Variants in VILL observed in about 807,000 individuals in gnomAD.
The protein encoded by VILL is villin like.
VILL carries 102 observed loss-of-function variants against 106.3 expected under a neutral mutation model. That is an observed-to-expected ratio of 0.96 (90% CI 0.82 to 1.13). The LOEUF (loss-of-function observed/expected upper bound fraction) is 1.13, where lower values mean the gene tolerates loss of function less well. Among genes scored for constraint, VILL ranks in the 50% most tolerant of loss-of-function variants. The pLI is 0.00. For missense variants in VILL, 1,076 were observed against 1,116.6 expected, an observed-to-expected ratio of 0.96 and a Z score of 0.52; for synonymous variants, 431 against 440.3, an observed-to-expected ratio of 0.98 and a Z score of 0.27.
At position 37,997,657 on chromosome 3, in the gene VILL, C is replaced by T. The variant is rs746223560; in HGVS notation, c.736C>T (p.Leu246=). The change falls in exon 7 of 20, where the codon CTG becomes TTG. Residue 246 remains leucine (L), a synonymous_variant. Coordinates refer to ENST00000383759, the MANE Select transcript of VILL (RefSeq NM_015873.4). The surrounding 1 kb of genome is among the most constrained non-coding windows in gnomAD (Gnocchi z 4.7). ...AATPSKDINQ[L]QKANVRLYHV... Reference sequence around the variant, plus strand: ...CACGCCCAGCAAGGATATCAACCAGCTGCAGAAGGCCAATGTTCGCCTGTA... The same window carrying T: ...CACGCCCAGCAAGGATATCAACCAGTTGCAGAAGGCCAATGTTCGCCTGTA... The T allele has an allele frequency of 6.6e-7, 1 of 1,507,278 alleles. No homozygotes were observed. The allele number at this position is 1,507,278 out of a possible 1,614,324, so 93.4% of individuals were successfully genotyped here.
chr3:37,990,243 G>C (rs1022922179), upstream of VILL, among the ~76,000 whole-genome samples: 1 of 152,202 alleles, frequency 6.6e-6, no homozygotes, highest in African/African-American at 2.4e-5. The surrounding 1 kb of genome is among the most constrained non-coding windows in gnomAD (Gnocchi z 5.1). Context: ...TGGGTATCAG[G>C]GTTCCCTGAG....
intron 17 of VILL, 66 bp downstream of exon 17, chr3:38,006,040 A>G: frequency 6.3e-7 from 1 of 1,590,652 alleles, no homozygotes. Flanking sequence ...ACCTGGGCCA[A>G]TGGAATGAGG....
chr3:37,999,046 G>A lies in VILL; in HGVS notation c.1077G>A (p.Gly359=), dbSNP rs199499422. ...GGCGCAGGAACCAGAAGCTCGGCGG[G>A]AGGGGTGAGCGGGCGGGGCGGGGCT... ...EKRRRNQKLG[G]RDKSIHVKLD... is the part of the protein sequence containing the mutation. Residue 359 remains glycine (G), a synonymous_variant, in exon 10 of 20, where the codon GGG becomes GGA. Coordinates refer to ENST00000383759, the MANE Select transcript of VILL (RefSeq NM_015873.4). The A allele has an allele frequency of 0.018, 27,635 of 1,567,266 alleles. 305 individuals carry two copies. The highest frequency in any genetic ancestry group is 0.021 in the Non-Finnish European group (23,889 of 1,153,236).
At position 38,002,506 on chromosome 3, in the gene VILL, C is replaced by T. The variant is rs1699836971; in HGVS notation, c.1590C>T (p.Ala530=). ...GGACCATGGAGGTGCCAGCCCGTGC[C>T]TCATCCCTCAACTCCAGTGACATCT... ...NTRTMEVPAR[A]SSLNSSDIFL... is the part of the protein sequence containing the mutation. Residue 530 remains alanine, a synonymous_variant, in exon 14 of 20, where the codon GCC becomes GCT. Coordinates refer to ENST00000383759, the MANE Select transcript of VILL (RefSeq NM_015873.4). 6.2e-7 allele frequency: 1 copy of T among 1,614,112 alleles called. No individual in the cohort carries two copies. The highest frequency in any genetic ancestry group is 8.5e-7 in the Non-Finnish European group (1 of 1,180,034).
rs952700615 is a variant in VILL, at chr3:38,006,800, G to A, written c.2457+100G>A. The A allele has an allele frequency of 4.1e-5, 63 of 1,532,868 alleles. 1 individual carries two copies. The East Asian group carries it at 9.3e-4, about 23-fold the overall frequency. The allele number at this position is 1,532,868 out of a possible 1,614,324, so 95.0% of individuals were successfully genotyped here. On this transcript the variant is annotated intron_variant, in intron 19 of 19. Transcript: ENST00000383759. ...GTGGCGGGCAGTGGGCAACTGCCCC[G>A]GGAGATGTGTCTTCTAGCTGGGGTG...
Position 37,999,063 on chromosome 3 carries a change from G to A in VILL, c.1081+13G>A, listed in dbSNP as rs768996246. 2 of 1,464,128 alleles carry A rather than the reference G, an allele frequency of 1.4e-6. No homozygotes were observed. Among genetic ancestry groups the A allele is most frequent in the Non-Finnish European group, 1.8e-6 (2 of 1,095,758 alleles). 90.7% of individuals were successfully genotyped at this position (1,464,128 alleles called of 1,614,324 possible). On this transcript the variant is annotated intron_variant, in intron 10 of 19. Transcript: ENST00000383759. ...CTCGGCGGGAGGGGTGAGCGGGCGG[G>A]GCGGGGCTGACGGGGGCGGGGCGGG... is the stretch of plus-strand genomic sequence containing the variant.
In VILL at chr3:38,001,482, G is replaced by C; in HGVS notation, c.1209G>C (p.Arg403Ser). ...VEVWCIQDLH[R>S]QPVDPKRHGQ... ...TGTGGTGCATCCAGGACTTACACAG[G>C]CAGCCCGTGGACCCCAAGCGTCATG... Residue 403 changes from arginine to serine, a missense_variant, in exon 12 of 20, where the codon AGG becomes AGC. By Grantham distance (110) the Arg-to-Ser change is moderately radical (BLOSUM62 -1). Transcript: ENST00000383759. The C allele has an allele frequency of 2.5e-6, 4 of 1,614,208 alleles. No homozygotes were observed. The highest frequency in any genetic ancestry group is 3.4e-6 in the Non-Finnish European group (4 of 1,180,018).
In VILL at chr3:38,006,844, G is replaced by T. The variant is rs928547257; in HGVS notation, c.2458-98G>T. 4.0e-6 allele frequency: 6 copies of T among 1,511,970 alleles called. No homozygotes were observed. The Admixed American group carries it at 1.1e-4, about 28-fold the overall frequency. 93.7% of individuals were successfully genotyped at this position (1,511,970 alleles called of 1,614,324 possible). On this transcript the variant is annotated intron_variant, in intron 19 of 19. Coordinates refer to ENST00000383759, the MANE Select transcript of VILL (RefSeq NM_015873.4). ...TGGGGTGGTGGGCAAACAGATGCGG[G>T]AGTCCCAAGCCCTGGATGACTGACA...
intron 16 of VILL, among the ~76,000 whole-genome samples, chr3:38,004,720 T>C (rs980422650): frequency 1.3e-5 from 2 of 152,194 alleles, no homozygotes; most frequent in Admixed American, 6.5e-5. Context: ...GCCGAGCATG[T>C]GTCGGTGCTG....
At chr3:38,006,364 G>C (rs1008501174) in intron 18 of VILL, 85 bp from the exon 19 acceptor site, 55 of 1,598,026 alleles carry the variant, frequency 3.4e-5, no homozygotes, top group Middle Eastern at 3.3e-4. Context: ...TGCAGTTGGA[G>C]GTAAGAGGCC....
chr3:37,999,954 G>A (rs1428875654), intron 11 of VILL, among the ~76,000 whole-genome samples: 1 of 152,246 alleles, frequency 6.6e-6, no homozygotes, highest in Non-Finnish European at 1.5e-5. Context: ...CCACTCATCT[G>A]GTCTCAGCCC....
upstream of VILL, among the ~76,000 whole-genome samples, chr3:37,989,152 G>C (rs1034731033): frequency 2.6e-5 from 4 of 152,172 alleles, no homozygotes; most frequent in African/African-American, 9.7e-5. Flanking sequence ...GCGGGAGAGA[G>C]AAATCAGGGC....
chr3:38,001,134 G>C, intron 11 of VILL: 1 of 527,414 alleles, frequency 1.9e-6, no homozygotes, highest in South Asian at 1.8e-5. Context: ...CCTGAGCAGC[G>C]AGCAGCTGGG....
At position 38,007,113 on chromosome 3, in the gene VILL, G is replaced by GCCTCCCCAGCATT; in HGVS notation, c.*58_*59insCCTCCCCAGCATT. 7.0e-7 allele frequency: 1 copy of GCCTCCCCAGCATT among 1,435,920 alleles called. No homozygotes were observed. Among genetic ancestry groups the GCCTCCCCAGCATT allele is most frequent in the Non-Finnish European group, 9.7e-7 (1 of 1,026,404 alleles). 88.9% of individuals were successfully genotyped at this position (1,435,920 alleles called of 1,614,324 possible). ...GACCCCAACATACCTACAATGCTGG[G>GCCTCCCCAGCATT]GAGGCCCTGCTTCCACTCCCCTCAG... On this transcript the variant is annotated 3_prime_UTR_variant, in exon 20 of 20. Transcript: ENST00000383759.
intron 1 of VILL, among the ~76,000 whole-genome samples, chr3:37,991,541 C>G (rs1029551586): frequency 9.9e-5 from 15 of 151,008 alleles, no homozygotes; most frequent in African/African-American, 2.9e-4. Context: ...GGCAGGGGCA[C>G]CCAGTGGGGA....
rs765989524 is a variant in VILL, at chr3:38,004,364, A to G, written c.1915A>G (p.Lys639Glu). 4 of 1,613,114 alleles carry G rather than the reference A, an allele frequency of 2.5e-6. No individual in the cohort carries two copies. Among genetic ancestry groups the G allele is most frequent in the Non-Finnish European group, 3.4e-6 (4 of 1,179,102 alleles). ...VGFFSQEDLD[K>E]YDIMLLDTWQ... ...GTTCTTCAGCCAGGAGGACCTGGACAAGTATGACATCATGTTACTGGACAC... is the reference window on the plus strand; with the variant it reads ...GTTCTTCAGCCAGGAGGACCTGGACGAGTATGACATCATGTTACTGGACAC... Residue 639 changes from lysine to glutamate, a missense_variant, in exon 16 of 20, where the codon AAG (lysine) becomes GAG (glutamate). Lys to Glu is a moderately conservative substitution (Grantham distance 56). Transcript: ENST00000383759.
chr3:38,004,195 G>A, intron 15 of VILL, 60 bp from the exon 16 acceptor site: 1 of 1,559,284 alleles, frequency 6.4e-7, no homozygotes, highest in African/African-American at 1.4e-5. Flanking sequence ...TGGGGCACTT[G>A]TGCCATGGGC....
chr3:37,995,997 C>A, intron 5 of VILL, 150 bp downstream of exon 5: 1 of 617,578 alleles, frequency 1.6e-6, no homozygotes, highest in Non-Finnish European at 2.9e-6. Context: ...ACAGAGAGGA[C>A]ACCAGGCTTC....
chr3:37,998,647 G>T lies in VILL; in HGVS notation c.943-265G>T, dbSNP rs1699752049. On this transcript the variant is annotated intron_variant, in intron 9 of 19. Transcript: ENST00000383759. The surrounding 1 kb of genome is among the most constrained non-coding windows in gnomAD (Gnocchi z 4.1). ...GGTCCCGCTTTCTGAGGGTGGGGCTGGGGAGGAGACAGGGCTCTCTCTGTC... is the reference window on the plus strand; with the variant it reads ...GGTCCCGCTTTCTGAGGGTGGGGCTTGGGAGGAGACAGGGCTCTCTCTGTC... Among the ~76,000 whole-genome samples, 1 of 152,162 alleles carries T rather than the reference G, an allele frequency of 6.6e-6. No homozygotes were observed. The highest frequency in any genetic ancestry group is 2.1e-4 in the South Asian group (1 of 4,834).
Sources: gnomAD v4.1 joint callset for allele counts (sites outside exome capture counted in the v4.1 genomes callset) on GRCh38, gnomAD v4.1.1 for gene constraint, Gnocchi (gnomAD v3.1) non-coding constraint, MANE v1.5 for transcripts, NCBI Gene and HGNC (gene_info 2026-07-23, HGNC 2026-07-21) for gene names.